FRMD3: variants seen among roughly 807,000 people sequenced by gnomAD.
FRMD3 encodes FERM domain containing 3.
In FRMD3, 33 loss-of-function variants were observed where a neutral mutation model predicts 70.2. The ratio of observed to expected loss-of-function variants is 0.47; its 90% CI spans 0.36 to 0.63. The LOEUF is 0.63. Among genes scored for constraint, FRMD3 ranks in the 20% least tolerant of loss-of-function variants. The probability of loss-of-function intolerance (pLI) is 0.00; values close to 1 mark genes in which losing one functional copy is unlikely to be tolerated. For missense variants in FRMD3, 632 were observed against 711.4 expected (o/e 0.89, Z 1.27); for synonymous variants, 279 against 255.9 (o/e 1.09, Z -0.86).
At chr9:83,469,638 A>G (rs546946894) in intron 1 of FRMD3, among the ~76,000 whole-genome samples, 9 of 152,328 alleles carry the variant, frequency 5.9e-5, no homozygotes, top group African/African-American at 2.2e-4. Flanking sequence ...CATGGAAAAC[A>G]TGGAATTAAA....
In FRMD3 at chr9:83,244,890, T is replaced by A. The variant is rs1832016390; in HGVS notation, c.*3028A>T. Reference sequence around the variant, plus strand: ...TTTCAAGCACAGACAAATACATACTTTACTTTACCTACATTGTTTTCATGA... The same window carrying A: ...TTTCAAGCACAGACAAATACATACTATACTTTACCTACATTGTTTTCATGA... On this transcript the variant is annotated 3_prime_UTR_variant, in exon 14 of 14. Coordinates refer to ENST00000304195, the MANE Select transcript of FRMD3 (RefSeq NM_174938.6). The A allele has an allele frequency of 2.1e-6, 2 of 959,544 alleles. No homozygotes were observed. Among genetic ancestry groups the A allele is most frequent in the African/African-American group, 5.6e-5 (2 of 35,470 alleles). 59.4% of individuals were successfully genotyped at this position (959,544 alleles called of 1,614,324 possible). A position where few individuals can be genotyped will look rare whatever the true frequency, so the allele number is the denominator to read the frequency against.
chr9:83,329,698 ATAG>A (rs1836173921), intron 6 of FRMD3, among the ~76,000 whole-genome samples: 1 of 152,224 alleles, frequency 6.6e-6, no homozygotes, highest in Non-Finnish European at 1.5e-5. Context: ...CCGGATCATT[ATAG>A]TGTGGCTAGT....
chr9:83,285,108 G>A (rs1364272047), intron 13 of FRMD3, among the ~76,000 whole-genome samples: 1 of 152,176 alleles, frequency 6.6e-6, no homozygotes, highest in Non-Finnish European at 1.5e-5. Context: ...TAGAATTTCA[G>A]TGAAACCACC....
At chr9:83,480,743 C>T (rs1175286617) in intron 1 of FRMD3, among the ~76,000 whole-genome samples, 1 of 152,098 alleles carries the variant, frequency 6.6e-6, no homozygotes, top group East Asian at 1.9e-4. Context: ...GATCCACCTG[C>T]CTCGGCCTCA....
intron 13 of FRMD3, among the ~76,000 whole-genome samples, chr9:83,272,395 C>G (rs1282631410): frequency 6.6e-6 from 1 of 152,056 alleles, no homozygotes; most frequent in Non-Finnish European, 1.5e-5. Flanking sequence ...GACGGAGTCT[C>G]GTTCACTCAG....
chr9:83,490,025 C>G lies in FRMD3; in HGVS notation c.147+48060G>C, dbSNP rs143043386. On this transcript the variant is annotated intron_variant, in intron 1 of 13. Coordinates refer to ENST00000304195, the MANE Select transcript of FRMD3 (RefSeq NM_174938.6). Reference sequence around the variant, plus strand: ...CCTGCCCTAGAGAACTTGAATTCCCCCAACTTTAATATACACTGGCGCCCA... The same window carrying G: ...CCTGCCCTAGAGAACTTGAATTCCCGCAACTTTAATATACACTGGCGCCCA... Among the ~76,000 whole-genome samples, 365 of 152,250 alleles carry G rather than the reference C, an allele frequency of 2.4e-3. 1 individual carries two copies. Among genetic ancestry groups the G allele is most frequent in the African/African-American group, 7.7e-3 (321 of 41,550 alleles).
At chr9:83,540,496 C>T (rs10746714), upstream of FRMD3, among the ~76,000 whole-genome samples, 27,547 of 152,074 alleles carry the variant, frequency 0.18, 2,770 homozygotes, top group African/African-American at 0.23. Flanking sequence ...GGTTGTCTGG[C>T]CTGATTAGGA....
At chr9:83,496,057 C>A (rs2131504566) in intron 1 of FRMD3, among the ~76,000 whole-genome samples, 1 of 152,304 alleles carries the variant, frequency 6.6e-6, no homozygotes, top group Middle Eastern at 3.4e-3. Flanking sequence ...AAGTATGAGA[C>A]CTTCTTACAC....
Position 83,246,879 on chromosome 9 carries a change from A to C in FRMD3, c.*1039T>G, listed in dbSNP as rs1008476360. 2.0e-6 allele frequency: 2 copies of C among 985,368 alleles called. No individual in the cohort carries two copies. The highest frequency in any genetic ancestry group is 2.4e-6 in the Non-Finnish European group (2 of 829,918). The allele number at this position is 985,368 out of a possible 1,614,324, so 61.0% of individuals were successfully genotyped here. A position where few individuals can be genotyped will look rare whatever the true frequency, so the allele number is the denominator to read the frequency against. On this transcript the variant is annotated 3_prime_UTR_variant, in exon 14 of 14. Transcript: ENST00000304195. ...CTGGCATCACCATCACTTTCATAAA[A>C]TAGACCATTCGCCTGTCACCATTTG...
chr9:83,567,478 A>G, the FRMD3 span, among the ~76,000 whole-genome samples: 2 of 152,164 alleles, frequency 1.3e-5, no homozygotes, highest in Non-Finnish European at 2.9e-5. Flanking sequence ...AACTGGTTTG[A>G]ATTTCTCCTC....
At chr9:83,356,415 A>T (rs983420894) in intron 3 of FRMD3, among the ~76,000 whole-genome samples, 60 of 151,464 alleles carry the variant, frequency 4.0e-4, no homozygotes, top group African/African-American at 1.3e-3. Context: ...AGCTGGGACT[A>T]CAGGCACCCG....
intron 6 of FRMD3, among the ~76,000 whole-genome samples, chr9:83,330,984 C>G (rs1836235587): frequency 6.6e-6 from 1 of 152,224 alleles, no homozygotes; most frequent in African/African-American, 2.4e-5. Flanking sequence ...GCAACAGGAA[C>G]TCTCATTCCC....
At chr9:83,544,926 T>C in the FRMD3 span, among the ~76,000 whole-genome samples, 3,151 of 151,962 alleles carry the variant, frequency 0.021, 58 homozygotes, top group Non-Finnish European at 0.035. Context: ...AAGTGACACC[T>C]CAGAATAAGA....
At chr9:83,563,239 C>T in the FRMD3 span, among the ~76,000 whole-genome samples, 3 of 152,156 alleles carry the variant, frequency 2.0e-5, no homozygotes, top group South Asian at 6.2e-4. Context: ...TGGGGACTTT[C>T]CCTTCACTCC....
intron 1 of FRMD3, among the ~76,000 whole-genome samples, chr9:83,452,734 G>T (rs759887937): frequency 6.6e-6 from 1 of 151,912 alleles, no homozygotes. Flanking sequence ...CGCCCGTCTC[G>T]GCCTCCCAAA....
intron 13 of FRMD3, among the ~76,000 whole-genome samples, chr9:83,281,234 A>G (rs1018772644): frequency 4.6e-5 from 7 of 152,330 alleles, no homozygotes; most frequent in Non-Finnish European, 1.0e-4. Flanking sequence ...CCATGCATCT[A>G]AAACTCAGAA....
intron 2 of FRMD3, among the ~76,000 whole-genome samples, chr9:83,378,735 ACTTT>A (rs1564047663): frequency 0.024 from 2,810 of 116,156 alleles, 159 homozygotes; most frequent in African/African-American, 0.091. Context: ...TAATATATAT[ACTTT>A]ATATTATATA....
chr9:83,572,969 C>T, the FRMD3 span, among the ~76,000 whole-genome samples: 1 of 152,070 alleles, frequency 6.6e-6, no homozygotes, highest in African/African-American at 2.4e-5. Flanking sequence ...ATTTATAATA[C>T]AGTGTTATTG....
At chr9:83,407,581 T>C (rs1826139889) in intron 1 of FRMD3, among the ~76,000 whole-genome samples, 2 of 152,240 alleles carry the variant, frequency 1.3e-5, no homozygotes, top group African/African-American at 4.8e-5. Flanking sequence ...TGTTTTCATA[T>C]GTCTAAATCC....
Sources: gnomAD v4.1 joint callset for allele counts (sites outside exome capture counted in the v4.1 genomes callset) on GRCh38, gnomAD v4.1.1 for gene constraint, MANE v1.5 for transcripts, NCBI Gene and HGNC (gene_info 2026-07-23, HGNC 2026-07-21) for gene names.